ZNF100: variants seen among roughly 807,000 people sequenced by gnomAD.
The protein encoded by ZNF100 is zinc finger protein 100 (Y1).
A neutral mutation model predicts 15.8 loss-of-function variants in ZNF100; 12 were observed. That is an observed-to-expected ratio of 0.76 (90% CI 0.49 to 1.23). The LOEUF (loss-of-function observed/expected upper bound fraction) is 1.23. Ranked by LOEUF, ZNF100 falls within the 50% of genes most tolerant of loss-of-function variation. ZNF100 has a pLI of 0.00. For missense variants in ZNF100, 670 were observed against 635.6 expected, an observed-to-expected ratio of 1.05 and a Z score of -0.58; for synonymous variants, 226 against 214.8, an observed-to-expected ratio of 1.05 and a Z score of -0.45.
At position 21,727,753 on chromosome 19, in the gene ZNF100, G is replaced by A. The variant is rs1568288371; in HGVS notation, c.559C>T (p.His187Tyr). Residue 187 changes from histidine to tyrosine, a missense_variant, in exon 5 of 5, where the codon CAT becomes TAT. Transcript: ENST00000358296. The stretch of plus-strand genomic sequence containing the variant: ...TGTCTGTTTGAATTTGAAAATGTAT[G>A]AAAGACTTTTGCAGATGGATCACAT... ...FQCDPSAKVF[H>Y]TFSNSNRHKI... is the part of the protein sequence containing the mutation. 1.9e-6 allele frequency: 3 copies of A among 1,613,864 alleles called. No individual in the cohort carries two copies. Among genetic ancestry groups the A allele is most frequent in the Non-Finnish European group, 2.5e-6 (3 of 1,179,866 alleles).
intron 2 of ZNF100, among the ~76,000 whole-genome samples, chr19:21,759,392 G>C (rs186652239): frequency 6.2e-4 from 95 of 152,292 alleles, no homozygotes; most frequent in African/African-American, 2.2e-3. Context: ...GTGTTCTCCA[G>C]GAACAGTTTA....
At chr19:21,765,661 G>A (rs1244155989) in intron 2 of ZNF100, 33 bp downstream of exon 2, 1 of 1,587,976 alleles carries the variant, frequency 6.3e-7, no homozygotes, top group Non-Finnish European at 8.6e-7. Flanking sequence ...AGCTGGGTTG[G>A]GTGAAGACAA....
rs1456645395 is a variant in ZNF100, at chr19:21,727,405, G to A, written c.907C>T (p.His303Tyr). 6.2e-7 allele frequency: 1 copy of A among 1,611,876 alleles called. No homozygotes were observed. The highest frequency in any genetic ancestry group is 2.2e-5 in the East Asian group (1 of 44,784). Residue 303 changes from histidine to tyrosine, a missense_variant, in exon 5 of 5, where the codon CAC becomes TAC. Physicochemically the swap from His to Tyr is moderately conservative, Grantham distance 83 (BLOSUM62 2). Transcript: ENST00000358296. ...ECGKAFNRSS[H>Y]LTTHKRIHTG... Reference sequence around the variant, plus strand: ...TGAATTCTTTTATGTGTAGTAAGGTGTGAAGACCGGTTAAAAGCTTTCCCA... The same window carrying A: ...TGAATTCTTTTATGTGTAGTAAGGTATGAAGACCGGTTAAAAGCTTTCCCA...
chr19:21,747,230 G>C (rs1254875533), intron 2 of ZNF100, among the ~76,000 whole-genome samples: 2 of 152,162 alleles, frequency 1.3e-5, no homozygotes, highest in African/African-American at 4.8e-5. Context: ...TAACTCTCAT[G>C]AATGTATCTT....
chr19:21,741,051 C>G (rs750162583), intron 4 of ZNF100, among the ~76,000 whole-genome samples: 2 of 152,024 alleles, frequency 1.3e-5, no homozygotes, highest in African/African-American at 2.4e-5. Context: ...AAAAATGTAA[C>G]ATATACATAA....
At chr19:21,753,478 G>A (rs1444681526) in intron 2 of ZNF100, 1 of 152,154 alleles carries the variant, frequency 6.6e-6, no homozygotes, top group African/African-American at 2.4e-5. Context: ...AGCTACTCTG[G>A]AGGCTGAGGT....
In ZNF100 at chr19:21,723,405, T is replaced by C. The variant is rs2035718060; in HGVS notation, c.*3278A>G. 1 of 141,434 alleles carries C rather than the reference T, an allele frequency of 7.1e-6. No individual in the cohort carries two copies. The highest frequency in any genetic ancestry group is 2.6e-5 in the African/African-American group (1 of 38,192). 8.8% of individuals were successfully genotyped at this position (141,434 alleles called of 1,614,324 possible). A position where few individuals can be genotyped will look rare whatever the true frequency, so the allele number is the denominator to read the frequency against. On this transcript the variant is annotated 3_prime_UTR_variant, in exon 5 of 5. Coordinates refer to ENST00000358296, the MANE Select transcript of ZNF100 (RefSeq NM_173531.4). ...AAAACAACCAACTTTCTCGTCAAAA[T>C]TTACAAAGTACCATGTGAAATGAAA...
chr19:21,760,819 C>T (rs952014320), intron 2 of ZNF100, among the ~76,000 whole-genome samples: 6 of 137,454 alleles, frequency 4.4e-5, no homozygotes, highest in Admixed American at 7.8e-5. Context: ...TGCAGTGGTG[C>T]GATCTCGGCT....
chr19:21,734,010 C>CA (rs1409116179), intron 4 of ZNF100, among the ~76,000 whole-genome samples: 1 of 152,202 alleles, frequency 6.6e-6, no homozygotes, highest in Non-Finnish European at 1.5e-5. Context: ...AAACAGAAAG[C>CA]AACCACAGCA....
chr19:21,750,875 C>T, intron 2 of ZNF100: 1 of 545,022 alleles, frequency 1.8e-6, no homozygotes, highest in Non-Finnish European at 3.3e-6. Flanking sequence ...TATTGCGTGT[C>T]CCCCCAGTAC....
At chr19:21,747,372 T>C (rs990094169) in intron 2 of ZNF100, among the ~76,000 whole-genome samples, 1 of 151,686 alleles carries the variant, frequency 6.6e-6, no homozygotes, top group Non-Finnish European at 1.5e-5. Context: ...TGCCAACTGG[T>C]CATGTGATCT....
intron 2 of ZNF100, among the ~76,000 whole-genome samples, chr19:21,762,552 C>T (rs1157115090): frequency 1.3e-5 from 2 of 152,144 alleles, no homozygotes; most frequent in African/African-American, 2.4e-5. Flanking sequence ...CGTCATCAAA[C>T]TGATGCTTTC....
At chr19:21,742,381 T>C (rs12982588) in intron 4 of ZNF100, among the ~76,000 whole-genome samples, 12,649 of 142,292 alleles carry the variant, frequency 0.089, 819 homozygotes, top group South Asian at 0.18. Context: ...TTTTTCTTTT[T>C]TTTTTTTTTT....
intron 2 of ZNF100, among the ~76,000 whole-genome samples, chr19:21,763,827 A>C (rs1409655818): frequency 6.6e-6 from 1 of 152,216 alleles, no homozygotes; most frequent in Non-Finnish European, 1.5e-5. Flanking sequence ...TGTATGAAAG[A>C]AAGCCCTCGT....
intron 4 of ZNF100, among the ~76,000 whole-genome samples, chr19:21,738,282 A>C (rs1375128763): frequency 1.0e-4 from 11 of 104,992 alleles, no homozygotes; most frequent in African/African-American, 2.8e-4. Flanking sequence ...AAAAAAAAAA[A>C]AAAAAAAACT....
At chr19:21,764,352 A>G (rs2036526868) in intron 2 of ZNF100, among the ~76,000 whole-genome samples, 1 of 152,176 alleles carries the variant, frequency 6.6e-6, no homozygotes, top group African/African-American at 2.4e-5. Context: ...TAAGAAAAGC[A>G]AAAGTATCAG....
chr19:21,766,508 AACCTCTGATT>A (rs1454878002), intron 1 of ZNF100, among the ~76,000 whole-genome samples: 1 of 151,938 alleles, frequency 6.6e-6, no homozygotes, highest in Non-Finnish European at 1.5e-5. Context: ...ACTGTTAATT[AACCTCTGATT>A]ACACAACCAG....
intron 4 of ZNF100, among the ~76,000 whole-genome samples, chr19:21,739,597 G>A (rs2036072662): frequency 6.6e-6 from 1 of 152,188 alleles, no homozygotes; most frequent in African/African-American, 2.4e-5. Context: ...CCAAAATCAT[G>A]CACTGCATGG....
At chr19:21,736,814 A>C (rs1422128801) in intron 4 of ZNF100, among the ~76,000 whole-genome samples, 1 of 152,232 alleles carries the variant, frequency 6.6e-6, no homozygotes, top group Non-Finnish European at 1.5e-5. Flanking sequence ...TAATAAAATT[A>C]AGTCAGAAAT....
Sources: allele counts gnomAD v4.1 joint callset (sites outside exome capture counted in the v4.1 genomes callset), GRCh38; gene constraint gnomAD v4.1.1; transcripts MANE v1.5; gene names NCBI Gene and HGNC (gene_info 2026-07-23, HGNC 2026-07-21).